The following EPB41L4B variants were observed in gnomAD, a reference collection of about 807,000 sequenced individuals.
EPB41L4B encodes the protein erythrocyte membrane protein band 4.1 like 4B, also known as band 4.1-like protein 4B.
A neutral mutation model predicts 112.5 loss-of-function variants in EPB41L4B; 30 were observed. The ratio of observed to expected loss-of-function variants is 0.27; its 90% CI spans 0.20 to 0.36. EPB41L4B has a LOEUF of 0.36. EPB41L4B is among the 10% of genes least tolerant of loss of function. The pLI is 1.00. For missense variants in EPB41L4B, 1,024 were observed against 1,133.3 expected, an observed-to-expected ratio of 0.90 and a Z score of 1.38; for synonymous variants, 408 against 439.7, an observed-to-expected ratio of 0.93 and a Z score of 0.90.
At chr9:109,241,227 A>C in intron 15 of EPB41L4B, 1 of 987,128 alleles carries the variant, frequency 1.0e-6, no homozygotes, top group Non-Finnish European at 1.2e-6. Flanking sequence ...AAATGAGGTC[A>C]ATGAAGGGGA....
rs1279033701 is a variant in EPB41L4B, at chr9:109,213,591, A to C, written c.1752+109T>G. ...AAATGTCAGGAAAGATGGAATAGAGATCCCTCCAAGGCAAAGGCACTTGGT... is the reference window on the plus strand; with the variant it reads ...AAATGTCAGGAAAGATGGAATAGAGCTCCCTCCAAGGCAAAGGCACTTGGT... On this transcript the variant is annotated intron_variant, in intron 17 of 25. Transcript: ENST00000374566. The C allele has an allele frequency of 5.0e-6, 4 of 795,864 alleles. No homozygotes were observed. The Admixed American group carries it at 8.5e-5, about 17-fold the overall frequency. 49.3% of individuals were successfully genotyped at this position (795,864 alleles called of 1,614,324 possible). A position where few individuals can be genotyped will look rare whatever the true frequency, so the allele number is the denominator to read the frequency against.
In EPB41L4B at chr9:109,267,560, T is replaced by C; in HGVS notation, c.455-9A>G. 6.3e-7 allele frequency: 1 copy of C among 1,579,186 alleles called. No homozygotes were observed. The highest frequency in any genetic ancestry group is 8.7e-7 in the Non-Finnish European group (1 of 1,148,928). On this transcript the variant is annotated splice_polypyrimidine_tract_variant and intron_variant, in intron 3 of 25. Transcript: ENST00000374566. ...AGCATAAGCAGGTCCAACTAAACAT[T>C]TGGAGATGGAAGGTTGAAGATGTTT...
At chr9:109,307,211 C>T in intron 1 of EPB41L4B, 1 of 487,918 alleles carries the variant, frequency 2.0e-6, no homozygotes, top group Non-Finnish European at 4.1e-6. Context: ...TTTTAAAAGA[C>T]AGCATTAAAT....
chr9:109,243,955 C>T (rs777673993), intron 14 of EPB41L4B, among the ~76,000 whole-genome samples: 20 of 152,246 alleles, frequency 1.3e-4, no homozygotes, highest in Non-Finnish European at 2.2e-4. Context: ...GTGACAACAC[C>T]GGCCTTGAAG....
In EPB41L4B at chr9:109,245,332, T is replaced by G. The variant is rs1214645987; in HGVS notation, c.1345-1650A>C. On this transcript the variant is annotated intron_variant, in intron 14 of 25. Transcript: ENST00000374566. ...GGCTTTAAACACAACCAAATCAGAT[T>G]CATCAGAGAGAGAGGTGGGAACCTT... 2.0e-5 allele frequency among the ~76,000 whole-genome samples: 3 copies of G among 152,172 alleles called. No homozygotes were observed. In the East Asian group the frequency reaches 5.8e-4, roughly 29 times the overall value.
At chr9:109,318,484 G>A (rs189174212) in intron 1 of EPB41L4B, among the ~76,000 whole-genome samples, 129 of 152,068 alleles carry the variant, frequency 8.5e-4, no homozygotes, top group Non-Finnish European at 1.4e-3. Flanking sequence ...TTTTATAAAC[G>A]AATCATCCCC....
intron 15 of EPB41L4B, chr9:109,239,741 G>C (rs1366503056): frequency 1.2e-6 from 1 of 829,588 alleles, no homozygotes; most frequent in South Asian, 5.5e-5. Context: ...TTTAAGCAGA[G>C]AGGTATTTAT....
At chr9:109,179,275 C>A (rs1483811249) in intron 24 of EPB41L4B, among the ~76,000 whole-genome samples, 2 of 152,256 alleles carry the variant, frequency 1.3e-5, no homozygotes, top group East Asian at 3.8e-4. Context: ...GCTAGATCGA[C>A]TGCCAGACCA....
At chr9:109,191,919 T>C (rs1832473110) in intron 22 of EPB41L4B, among the ~76,000 whole-genome samples, 1 of 152,068 alleles carries the variant, frequency 6.6e-6, no homozygotes, top group Non-Finnish European at 1.5e-5. Flanking sequence ...ACCAGATGGA[T>C]CGTCGGAAGC....
chr9:109,241,528 G>A lies in EPB41L4B; in HGVS notation c.1409+2090C>T. The A allele has an allele frequency of 9.5e-6, 14 of 1,474,764 alleles. No homozygotes were observed. The South Asian group carries it at 1.9e-4, about 20-fold the overall frequency. The allele number at this position is 1,474,764 out of a possible 1,614,324, so 91.4% of individuals were successfully genotyped here. On this transcript the variant is annotated intron_variant, in intron 15 of 25. Transcript: ENST00000374566. Reference sequence around the variant, plus strand: ...GGTTTTATCTTCAAATATTTACATGGACACCAAAAACACCTTTCAGGACTA... The same window carrying A: ...GGTTTTATCTTCAAATATTTACATGAACACCAAAAACACCTTTCAGGACTA...
At chr9:109,234,016 T>A (rs1047619121) in intron 15 of EPB41L4B, among the ~76,000 whole-genome samples, 1 of 151,992 alleles carries the variant, frequency 6.6e-6, no homozygotes, top group Admixed American at 6.6e-5. Context: ...CAAACCGTCT[T>A]TAGAAAGATT....
At chr9:109,281,722 A>AAATAAATT (rs1250851380) in intron 1 of EPB41L4B, among the ~76,000 whole-genome samples, 75 of 125,542 alleles carry the variant, frequency 6.0e-4, no homozygotes, top group African/African-American at 1.8e-3. Context: ...ATAAATAAAT[A>AAATAAATT]AATTAATTAA....
At chr9:109,317,869 G>A (rs922571494) in intron 1 of EPB41L4B, among the ~76,000 whole-genome samples, 12 of 152,222 alleles carry the variant, frequency 7.9e-5, no homozygotes, top group African/African-American at 2.4e-4. Context: ...AGCATAAAGA[G>A]TGAGCCCAGT....
At chr9:109,238,372 T>C (rs1270842344) in intron 15 of EPB41L4B, among the ~76,000 whole-genome samples, 1 of 152,226 alleles carries the variant, frequency 6.6e-6, no homozygotes, top group Non-Finnish European at 1.5e-5. Flanking sequence ...GTCAGTGTCC[T>C]ACTCACAGTA....
At chr9:109,182,890 G>T in intron 23 of EPB41L4B, 93 bp from the exon 24 acceptor site, 1 of 863,472 alleles carries the variant, frequency 1.2e-6, no homozygotes, top group Non-Finnish European at 2.0e-6. Flanking sequence ...GGAACCAAAG[G>T]ATTCAGGGGT....
chr9:109,182,292 A>G (rs1379770564), intron 24 of EPB41L4B, among the ~76,000 whole-genome samples: 1 of 152,204 alleles, frequency 6.6e-6, no homozygotes, highest in Non-Finnish European at 1.5e-5. Context: ...ATGCTAAGTG[A>G]AAGAGGCCAG....
chr9:109,284,688 G>A (rs554352728), intron 1 of EPB41L4B, among the ~76,000 whole-genome samples: 12 of 152,328 alleles, frequency 7.9e-5, no homozygotes, highest in South Asian at 2.1e-4. Flanking sequence ...GATCGGAGGC[G>A]TGAGCCCCCA....
chr9:109,290,458 T>C (rs796870507), intron 1 of EPB41L4B, among the ~76,000 whole-genome samples: 158 of 152,268 alleles, frequency 1.0e-3, no homozygotes, highest in African/African-American at 3.7e-3. Context: ...TTGGGGACTT[T>C]TGTAAACCCA....
At chr9:109,231,473 A>G (rs1476910547) in intron 15 of EPB41L4B, among the ~76,000 whole-genome samples, 1 of 152,200 alleles carries the variant, frequency 6.6e-6, no homozygotes, top group Non-Finnish European at 1.5e-5. Flanking sequence ...CTCCTTAGGT[A>G]ATTTATCAAA....
Sources: allele counts gnomAD v4.1 joint callset (sites outside exome capture counted in the v4.1 genomes callset), GRCh38; gene constraint gnomAD v4.1.1; transcripts MANE v1.5; gene names NCBI Gene and HGNC (gene_info 2026-07-23, HGNC 2026-07-21).